PTPN13: variants seen among roughly 807,000 people sequenced by gnomAD.
PTPN13 encodes protein tyrosine phosphatase non-receptor type 13.
PTPN13 carries 191 observed loss-of-function variants against 284.0 expected under a neutral mutation model. That is an observed-to-expected ratio of 0.67 (90% confidence interval 0.60 to 0.76). The LOEUF is 0.76. Among genes scored for constraint, PTPN13 ranks in the 30% least tolerant of loss-of-function variants. The pLI is 0.00. For synonymous variants in PTPN13, 986 were observed against 1,022.3 expected (o/e 0.96, Z 0.68); for missense variants, 2,797 against 2,939.9 (o/e 0.95, Z 1.12).
At chr4:86,757,020 A>C (rs1225115857) in intron 20 of PTPN13, among the ~76,000 whole-genome samples, 2 of 152,184 alleles carry the variant, frequency 1.3e-5, no homozygotes, top group Non-Finnish European at 2.9e-5. Context: ...ACCACCACCA[A>C]CACCTTCACA....
At chr4:86,686,198 C>G (rs1463762150) in intron 3 of PTPN13, among the ~76,000 whole-genome samples, 1 of 152,132 alleles carries the variant, frequency 6.6e-6, no homozygotes, top group Non-Finnish European at 1.5e-5. Flanking sequence ...CCCATCTCTA[C>G]TTAAAATAGA....
At chr4:86,670,588 C>T (rs1264200811) in intron 2 of PTPN13, among the ~76,000 whole-genome samples, 1 of 152,132 alleles carries the variant, frequency 6.6e-6, no homozygotes, top group East Asian at 1.9e-4. Flanking sequence ...CACCACTGTG[C>T]TTATTGGCCA....
chr4:86,668,436 T>C (rs1055568379), intron 2 of PTPN13, among the ~76,000 whole-genome samples: 3 of 152,208 alleles, frequency 2.0e-5, no homozygotes, highest in African/African-American at 7.2e-5. Context: ...TTCTGTGGTT[T>C]GACTATGTTT....
At chr4:86,655,610 A>C (rs964113169) in intron 2 of PTPN13, among the ~76,000 whole-genome samples, 4 of 152,156 alleles carry the variant, frequency 2.6e-5, no homozygotes, top group Admixed American at 6.5e-5. Flanking sequence ...CTGAGAGATC[A>C]GCTGTTAGTC....
At chr4:86,710,349 C>G (rs1334587555) in intron 7 of PTPN13, among the ~76,000 whole-genome samples, 6 of 152,068 alleles carry the variant, frequency 3.9e-5, no homozygotes, top group Non-Finnish European at 8.8e-5. Context: ...ATTCTTGTTG[C>G]AATTGGCTGA....
intron 27 of PTPN13, 165 bp downstream of exon 27, chr4:86,766,682 G>T (rs1442097210): frequency 2.6e-5 from 12 of 461,398 alleles, no homozygotes; most frequent in South Asian, 4.9e-5. Context: ...AAATTGAAAT[G>T]CAAGTATTAC....
intron 7 of PTPN13, among the ~76,000 whole-genome samples, chr4:86,706,437 A>G (rs1731774485): frequency 1.3e-5 from 2 of 152,190 alleles, no homozygotes; most frequent in Admixed American, 1.3e-4. Context: ...ACAAGATAGT[A>G]TTAGGAAAGG....
At position 86,610,071 on chromosome 4, in the gene PTPN13, G is replaced by A. The variant is rs1431549383; in HGVS notation, c.-6+15282G>A. Among the ~76,000 whole-genome samples, 7 of 152,082 alleles carry A rather than the reference G, an allele frequency of 4.6e-5. No homozygotes were observed. In the East Asian group the frequency reaches 9.7e-4, roughly 21 times the overall value. ...TCTACTAAAAATACAAAAATTGGCC[G>A]GGTGTGGTGGCACGCTCCTGTAGTC... On this transcript the variant is annotated intron_variant, in intron 1 of 47. Transcript: ENST00000411767.
chr4:86,777,928 C>T (rs1740845404), intron 35 of PTPN13, among the ~76,000 whole-genome samples: 1 of 150,752 alleles, frequency 6.6e-6, no homozygotes, highest in African/African-American at 2.4e-5. Flanking sequence ...TGAAAATTAA[C>T]ATTTTTGCTA....
At chr4:86,747,569 C>T (rs145000640) in intron 17 of PTPN13, among the ~76,000 whole-genome samples, 12,224 of 151,106 alleles carry the variant, frequency 0.081, 627 homozygotes, top group Non-Finnish European at 0.11. Flanking sequence ...GCAGCAGCAG[C>T]AGCAGCAGCA....
Position 86,785,160 on chromosome 4 carries a change from T to C in PTPN13, c.6119-71T>C, listed in dbSNP as rs952967816. The C allele has an allele frequency of 2.0e-5, 25 of 1,229,568 alleles. 1 individual carries two copies. In the South Asian group the frequency reaches 4.2e-4, roughly 21 times the overall value. The allele number at this position is 1,229,568 out of a possible 1,614,324, so 76.2% of individuals were successfully genotyped here. A position where few individuals can be genotyped will look rare whatever the true frequency, so the allele number is the denominator to read the frequency against. ...ATTTGAAAGCACCTAGCAAATTCTG[T>C]TTAACACCTTGTCCCTTTCTCGTGT... is the stretch of plus-strand genomic sequence containing the variant. On this transcript the variant is annotated intron_variant, in intron 38 of 47. Transcript: ENST00000411767.
intron 1 of PTPN13, among the ~76,000 whole-genome samples, chr4:86,622,872 A>G (rs1319795136): frequency 1.3e-5 from 2 of 152,190 alleles, no homozygotes; most frequent in African/African-American, 4.8e-5. Context: ...TTGAATGTCT[A>G]ATCAGCATTG....
chr4:86,655,950 C>T (rs1215554231), intron 2 of PTPN13, among the ~76,000 whole-genome samples: 2 of 152,148 alleles, frequency 1.3e-5, no homozygotes, highest in Non-Finnish European at 1.5e-5. Context: ...TCTTTTTACT[C>T]TTTTTTCTCT....
chr4:86,771,961 C>T (rs1309918353), intron 31 of PTPN13, among the ~76,000 whole-genome samples: 1 of 152,114 alleles, frequency 6.6e-6, no homozygotes, highest in Non-Finnish European at 1.5e-5. Flanking sequence ...AACATAGAAG[C>T]ATACAAAGAG....
chr4:86,687,728 G>A (rs569860585), intron 4 of PTPN13, among the ~76,000 whole-genome samples: 38 of 151,964 alleles, frequency 2.5e-4, no homozygotes, highest in Middle Eastern at 6.8e-3. Context: ...GGAAATATTG[G>A]TGTCATATAT....
chr4:86,756,735 T>A (rs535012477), intron 20 of PTPN13, among the ~76,000 whole-genome samples: 1 of 152,276 alleles, frequency 6.6e-6, no homozygotes, highest in East Asian at 1.9e-4. Context: ...TCAATACAAG[T>A]TTTGTGACAA....
At chr4:86,640,941 A>G (rs1723715739) in intron 2 of PTPN13, among the ~76,000 whole-genome samples, 1 of 152,152 alleles carries the variant, frequency 6.6e-6, no homozygotes, top group Non-Finnish European at 1.5e-5. Context: ...TAATACAGAG[A>G]GATTGAATTT....
chr4:86,636,090 G>C (rs1347675990), intron 2 of PTPN13, among the ~76,000 whole-genome samples: 1 of 152,114 alleles, frequency 6.6e-6, no homozygotes, highest in Admixed American at 6.6e-5. Context: ...CTCATAATAG[G>C]AGGATTTGAC....
Position 86,713,241 on chromosome 4 carries a change from G to A in PTPN13, c.1196-3289G>A, listed in dbSNP as rs908193348. Reference sequence around the variant, plus strand: ...TTATTGTCCTGTATGTTGCAATTCCGGGTTTGCAATTTGGTTAAGTTTTTT... The same window carrying A: ...TTATTGTCCTGTATGTTGCAATTCCAGGTTTGCAATTTGGTTAAGTTTTTT... On this transcript the variant is annotated intron_variant, in intron 7 of 47. Transcript: ENST00000411767. 3.3e-5 allele frequency among the ~76,000 whole-genome samples: 5 copies of A among 152,076 alleles called. No homozygotes were observed. The East Asian group carries it at 5.8e-4, about 18-fold the overall frequency.
Sources: allele counts gnomAD v4.1 joint callset (sites outside exome capture counted in the v4.1 genomes callset), GRCh38; gene constraint gnomAD v4.1.1; transcripts MANE v1.5; gene names NCBI Gene and HGNC (gene_info 2026-07-23, HGNC 2026-07-21).